TPP2: variants seen among roughly 807,000 people sequenced by gnomAD.
The protein encoded by TPP2 is tripeptidyl peptidase 2, also known as tripeptidyl-peptidase 2.
TPP2 carries 34 observed loss-of-function variants against 155.9 expected under a neutral mutation model. That is an observed-to-expected ratio of 0.22 (90% CI 0.17 to 0.29). The LOEUF (loss-of-function observed/expected upper bound fraction) is 0.29, where lower values mean the gene tolerates loss of function less well. Ranked by LOEUF, TPP2 falls within the 10% of genes least tolerant of loss-of-function variation. The probability of loss-of-function intolerance (pLI) is 1.00; values close to 1 mark genes in which losing one functional copy is unlikely to be tolerated. For missense variants in TPP2, 1,028 were observed against 1,522.3 expected (o/e 0.68, Z 5.40); for synonymous variants, 510 against 529.4 (o/e 0.96, Z 0.50).
intron 23 of TPP2, 89 bp downstream of exon 23, chr13:102,649,575 A>G (rs1377842742): frequency 8.5e-7 from 1 of 1,176,840 alleles, no homozygotes; most frequent in East Asian, 2.6e-5. Context: ...TTCAGAATGG[A>G]TAAAAGAGAA....
At chr13:102,629,822 A>G (rs535137003) in intron 9 of TPP2, among the ~76,000 whole-genome samples, 1 of 152,244 alleles carries the variant, frequency 6.6e-6, no homozygotes, top group Non-Finnish European at 1.5e-5. Context: ...AGAAATACAC[A>G]TGCATGCTTT....
chr13:102,658,762 G>GC (rs1884016599), intron 25 of TPP2, among the ~76,000 whole-genome samples: 1 of 152,100 alleles, frequency 6.6e-6, no homozygotes, highest in Non-Finnish European at 1.5e-5. Flanking sequence ...CCAGCTCCTG[G>GC]GGGAGGGAAG....
At chr13:102,614,717 G>A (rs938899429) in intron 3 of TPP2, among the ~76,000 whole-genome samples, 2 of 152,120 alleles carry the variant, frequency 1.3e-5, no homozygotes, top group Non-Finnish European at 2.9e-5. Flanking sequence ...AGAAAAATAA[G>A]AGTGGTAAGC....
intron 17 of TPP2, 88 bp from the exon 18 acceptor site, chr13:102,644,469 C>A: frequency 2.6e-6 from 3 of 1,159,028 alleles, no homozygotes; most frequent in Non-Finnish European, 3.6e-6. Context: ...AGTTTGAAAA[C>A]AGAATTGCTC....
At chr13:102,669,192 AG>A (rs1884807764) in intron 27 of TPP2, among the ~76,000 whole-genome samples, 1 of 152,322 alleles carries the variant, frequency 6.6e-6, no homozygotes, top group Admixed American at 6.5e-5. Context: ...GATTTTAAAA[AG>A]TAAGGGTAAA....
At chr13:102,650,624 G>A (rs1190205305) in intron 23 of TPP2, among the ~76,000 whole-genome samples, 9 of 152,136 alleles carry the variant, frequency 5.9e-5, no homozygotes, top group African/African-American at 4.8e-5. Context: ...GCTATTGGGC[G>A]TCAGCTGTGA....
intron 5 of TPP2, among the ~76,000 whole-genome samples, chr13:102,622,404 C>T: frequency 6.6e-6 from 1 of 152,256 alleles, no homozygotes; most frequent in South Asian, 2.1e-4. Context: ...GTAGAAAATG[C>T]CTTCTGTGAG....
chr13:102,625,636 A>G (rs561275980), intron 6 of TPP2, among the ~76,000 whole-genome samples: 1 of 152,282 alleles, frequency 6.6e-6, no homozygotes, highest in East Asian at 1.9e-4. Flanking sequence ...ATCACATTAA[A>G]CTTGTGCTCT....
intron 10 of TPP2, among the ~76,000 whole-genome samples, chr13:102,632,892 C>T (rs1241025101): frequency 6.6e-6 from 1 of 152,186 alleles, no homozygotes; most frequent in East Asian, 1.9e-4. Flanking sequence ...AGCATCTTTA[C>T]AGGTCAACAG....
chr13:102,645,433 A>T (rs980542974), intron 19 of TPP2, among the ~76,000 whole-genome samples: 1 of 152,236 alleles, frequency 6.6e-6, no homozygotes, highest in African/African-American at 2.4e-5. Context: ...CCCTTACAAA[A>T]GCAGGGCACC....
At chr13:102,675,313 G>A (rs1165224471) in intron 28 of TPP2, among the ~76,000 whole-genome samples, 2 of 152,210 alleles carry the variant, frequency 1.3e-5, no homozygotes, top group Non-Finnish European at 2.9e-5. Flanking sequence ...GGAAACTGAA[G>A]GAGCCAGTAT....
chr13:102,604,424 A>G (rs994801886), intron 1 of TPP2, among the ~76,000 whole-genome samples: 64 of 152,072 alleles, frequency 4.2e-4, no homozygotes, highest in African/African-American at 1.5e-3. Flanking sequence ...GTGTGATAGC[A>G]CATCTGACAT....
chr13:102,617,126 G>A (rs1013264465), intron 4 of TPP2, among the ~76,000 whole-genome samples: 2 of 151,746 alleles, frequency 1.3e-5, no homozygotes, highest in African/African-American at 4.8e-5. Context: ...GTGTTGGCCA[G>A]GCTGGTCTTG....
At chr13:102,648,805 T>G (rs1174277293) in intron 21 of TPP2, 102 bp from the exon 22 acceptor site, 5 of 1,426,446 alleles carry the variant, frequency 3.5e-6, no homozygotes, top group Non-Finnish European at 4.6e-6. Context: ...TCACATATTA[T>G]GAACAAGTCT....
Position 102,674,464 on chromosome 13 carries a change from A to G in TPP2, c.3553A>G (p.Lys1185Glu). The G allele has an allele frequency of 6.2e-7, 1 of 1,613,788 alleles. No individual in the cohort carries two copies. Among genetic ancestry groups the G allele is most frequent in the Non-Finnish European group, 8.5e-7 (1 of 1,179,748 alleles). The change falls in exon 28 of 30, where the codon AAA (lysine) becomes GAA (glutamate). Residue 1185 changes from lysine to glutamate, a missense_variant. Transcript: ENST00000376052. The stretch of plus-strand genomic sequence containing the variant: ...GGCAGAAACATTTTGGGAAACTACT[A>G]AATGGACTGATCTCTTTGACAATAA... ...SLAETFWETT[K>E]WTDLFDNKVL...
chr13:102,622,298 A>G (rs1383784937), intron 5 of TPP2, among the ~76,000 whole-genome samples: 1 of 152,256 alleles, frequency 6.6e-6, no homozygotes, highest in African/African-American at 2.4e-5. Context: ...ATTTTGTTTT[A>G]ATCAGGCTAT....
chr13:102,627,997 G>T, intron 8 of TPP2, 73 bp downstream of exon 8: 1 of 1,191,186 alleles, frequency 8.4e-7, no homozygotes, highest in South Asian at 1.3e-5. Flanking sequence ...TTTCATAAGT[G>T]GATTGAGTGT....
At chr13:102,636,963 G>T in intron 13 of TPP2, 119 bp from the exon 14 acceptor site, 1 of 901,790 alleles carries the variant, frequency 1.1e-6, no homozygotes, top group Non-Finnish European at 1.6e-6. Flanking sequence ...GCTGTGTTTT[G>T]GATGCATTTT....
At position 102,669,175 on chromosome 13, in the gene TPP2, T is replaced by C. The variant is rs1374992183; in HGVS notation, c.3371+4250T>C. 3.3e-5 allele frequency among the ~76,000 whole-genome samples: 5 copies of C among 152,296 alleles called. No homozygotes were observed. The East Asian group carries it at 5.8e-4, about 18-fold the overall frequency. On this transcript the variant is annotated intron_variant, in intron 27 of 29. Transcript: ENST00000376052. ...CTCTTCTATAGCTGATTGAAATTTA[T>C]CGTTTAGATTTTAAAAAGTAAGGGT...
Sources: allele counts gnomAD v4.1 joint callset (sites outside exome capture counted in the v4.1 genomes callset), GRCh38; gene constraint gnomAD v4.1.1; transcripts MANE v1.5; gene names NCBI Gene and HGNC (gene_info 2026-07-23, HGNC 2026-07-21).